Variants in CADPS2 observed in about 807,000 individuals in gnomAD.
CADPS2 encodes calcium dependent secretion activator 2.
A neutral mutation model predicts 172.5 loss-of-function variants in CADPS2; 93 were observed. The ratio of observed to expected loss-of-function variants is 0.54; its 90% CI spans 0.46 to 0.64. The LOEUF is 0.64. CADPS2 is among the 30% of genes least tolerant of loss of function. The pLI, the probability that CADPS2 is intolerant of heterozygous loss-of-function variation, is 0.00. For synonymous variants in CADPS2, 546 were observed against 555.2 expected (o/e 0.98, Z 0.23); for missense variants, 1,420 against 1,565.9 (o/e 0.91, Z 1.57).
rs1316686787 is a variant in CADPS2 at position 122,490,089 on chromosome 7, G to A, written c.1844C>T (p.Ala615Val). 5 of 1,613,060 alleles carry A rather than the reference G, an allele frequency of 3.1e-6. No homozygotes were observed. Among genetic ancestry groups the A allele is most frequent in the Admixed American group, 1.7e-5 (1 of 59,982 alleles). Reference sequence around the variant, plus strand: ...TTTTTAACAAAACTTACAAAGCTGAGCATCTGCATGGAGAGTTCCTCCTTT... The same window carrying A: ...TTTTTAACAAAACTTACAAAGCTGAACATCTGCATGGAGAGTTCCTCCTTT... Reference protein sequence around the residue: ...NPKGGTLHADAQLSGKDADRF... With the variant: ...NPKGGTLHADVQLSGKDADRF... Residue 615 changes from alanine to valine, a missense_variant, in exon 11 of 30, where the codon GCT (alanine) becomes GTT (valine). Ala to Val is a moderately conservative substitution (Grantham distance 64). Transcript: ENST00000449022.
Position 122,886,277 on chromosome 7 carries a change from C to T in CADPS2, c.61G>A (p.Asp21Asn), listed in dbSNP as rs1397831908. Residue 21 changes from aspartate to asparagine, a missense_variant, in exon 1 of 30, where the codon GAT (aspartate) becomes AAT (asparagine). Physicochemically the swap from Asp to Asn is conservative, Grantham distance 23 (BLOSUM62 1). Transcript: ENST00000449022. ...SDEGLEEESR[D>N]VLVAAGSSQR... The stretch of plus-strand genomic sequence containing the variant: ...GAGCTGCCGGCTGCCACCAGCACAT[C>T]GCGGCTTTCCTCTTCCAGCCCCTCG... The T allele has an allele frequency of 3.3e-6, 5 of 1,505,190 alleles. No homozygotes were observed. Among genetic ancestry groups the T allele is most frequent in the Admixed American group, 4.3e-5 (2 of 46,144 alleles). The allele number at this position is 1,505,190 out of a possible 1,614,324, so 93.2% of individuals were successfully genotyped here.
intron 3 of CADPS2, among the ~76,000 whole-genome samples, chr7:122,630,378 A>C (rs1264422459): frequency 8.4e-6 from 1 of 118,728 alleles, no homozygotes; most frequent in East Asian, 2.2e-4. Flanking sequence ...ATGAAGAGTC[A>C]AAAAAAAAAA....
intron 6 of CADPS2, among the ~76,000 whole-genome samples, chr7:122,590,655 C>G (rs757778131): frequency 6.6e-5 from 10 of 151,670 alleles, no homozygotes; most frequent in Admixed American, 4.6e-4. Flanking sequence ...CAGCCCAATA[C>G]TTTAAACTTC....
rs550686290 is a variant in CADPS2, at chr7:122,417,653, C to T, written c.2477-1489G>A. On this transcript the variant is annotated intron_variant, in intron 17 of 29. Transcript: ENST00000449022. ...ATGACAACCTACTTAATTTGGGGGCCGCTCTAGCTGTTCTAATTTTGTCAG... is the reference window on the plus strand; with the variant it reads ...ATGACAACCTACTTAATTTGGGGGCTGCTCTAGCTGTTCTAATTTTGTCAG... Among the ~76,000 whole-genome samples the T allele has an allele frequency of 8.1e-4, 123 of 152,248 alleles. 1 individual carries two copies. The highest frequency in any genetic ancestry group is 3.7e-3 in the South Asian group (18 of 4,822).
At chr7:122,532,785 C>T (rs190147973) in intron 8 of CADPS2, among the ~76,000 whole-genome samples, 158 of 152,074 alleles carry the variant, frequency 1.0e-3, no homozygotes, top group African/African-American at 3.3e-3. Context: ...TTATATTTCC[C>T]GAGAGTACGA....
At position 122,541,664 on chromosome 7, in the gene CADPS2, T is replaced by C. The variant is rs950269831; in HGVS notation, c.1475+12886A>G. On this transcript the variant is annotated intron_variant, in intron 8 of 29. Coordinates refer to ENST00000449022, the MANE Select transcript of CADPS2 (RefSeq NM_017954.11). ...TCATATATATTCATATCTTTATATA[T>C]TCATATATGTTTATATATTTATTCA... Among the ~76,000 whole-genome samples the C allele has an allele frequency of 3.8e-3, 561 of 146,088 alleles. 14 individuals are homozygous for C. Among genetic ancestry groups the C allele is most frequent in the Admixed American group, 2.0e-3 (29 of 14,546 alleles).
chr7:122,556,505 G>T (rs2058264), intron 7 of CADPS2, among the ~76,000 whole-genome samples: 30,487 of 151,946 alleles, frequency 0.2, 3,259 homozygotes, highest in East Asian at 0.34. Context: ...ACCAAACTCT[G>T]AACTCTTATA....
At chr7:122,548,850 G>A (rs2131836641) in intron 8 of CADPS2, among the ~76,000 whole-genome samples, 1 of 151,940 alleles carries the variant, frequency 6.6e-6, no homozygotes, top group Non-Finnish European at 1.5e-5. Context: ...TTTCTCCCTT[G>A]GACATAGAGA....
chr7:122,320,476 C>T, intron 29 of CADPS2, 138 bp from the exon 30 acceptor site: 1 of 562,214 alleles, frequency 1.8e-6, no homozygotes, highest in Non-Finnish European at 2.9e-6. Context: ...CAATCATCTT[C>T]TTGGTGTATT....
chr7:122,702,639 A>C, intron 2 of CADPS2: 4 of 1,613,618 alleles, frequency 2.5e-6, no homozygotes, highest in Non-Finnish European at 3.4e-6. Context: ...TGAGCTGTCC[A>C]AATGGCTTTT....
Position 122,343,383 on chromosome 7 carries a change from T to C in CADPS2, c.3612+2191A>G, listed in dbSNP as rs542375570. Among the ~76,000 whole-genome samples the C allele has an allele frequency of 3.9e-5, 6 of 152,300 alleles. No homozygotes were observed. In the East Asian group the frequency reaches 1.2e-3, roughly 29 times the overall value. On this transcript the variant is annotated intron_variant, in intron 28 of 29. Coordinates refer to ENST00000449022, the MANE Select transcript of CADPS2 (RefSeq NM_017954.11). ...TGCTTAGGCATTGAATGAAAGTATA[T>C]ATAACCAAGGCAATTAAACTAGTGT... is the stretch of plus-strand genomic sequence containing the variant.
chr7:122,815,830 A>C (rs559257329), intron 1 of CADPS2, among the ~76,000 whole-genome samples: 11 of 152,290 alleles, frequency 7.2e-5, no homozygotes, highest in African/African-American at 9.6e-5. Context: ...AATTAGCAGA[A>C]AGAAAAGACA....
At position 122,320,135 on chromosome 7, in the gene CADPS2, TCTTC is replaced by T; in HGVS notation, c.*26_*29del. The T allele has an allele frequency of 6.6e-7, 1 of 1,526,334 alleles. No individual in the cohort carries two copies. Among genetic ancestry groups the T allele is most frequent in the Non-Finnish European group, 8.8e-7 (1 of 1,134,344 alleles). 94.5% of individuals were successfully genotyped at this position (1,526,334 alleles called of 1,614,324 possible). A position where few individuals can be genotyped will look rare whatever the true frequency, so the allele number is the denominator to read the frequency against. ...AAATAAAAAACAATGTCGATCAAGG[TCTTC>T]CTTCCTTCTGCAAAGCTGTGTGATA... On this transcript the variant is annotated 3_prime_UTR_variant, in exon 30 of 30. Transcript: ENST00000449022.
chr7:122,729,380 A>G lies in CADPS2; in HGVS notation c.453+7575T>C, dbSNP rs534755977. On this transcript the variant is annotated intron_variant, in intron 2 of 29. Transcript: ENST00000449022. ...TTGATTTAATTTCCTTTGGATAAAT[A>G]CCAAGTAATGAGATTGCTGAATCTT... Among the ~76,000 whole-genome samples the G allele has an allele frequency of 6.5e-4, 99 of 151,948 alleles. 2 individuals are homozygous for G. The South Asian group carries it at 0.019, about 29-fold the overall frequency.
At chr7:122,814,681 AAGC>A (rs1380793919) in intron 1 of CADPS2, among the ~76,000 whole-genome samples, 1 of 152,148 alleles carries the variant, frequency 6.6e-6, no homozygotes, top group African/African-American at 2.4e-5. Flanking sequence ...CTGATCCATA[AAGC>A]ATAAAATATT....
At chr7:122,374,593 C>A (rs1010186066) in intron 25 of CADPS2, among the ~76,000 whole-genome samples, 1 of 151,946 alleles carries the variant, frequency 6.6e-6, no homozygotes, top group Non-Finnish European at 1.5e-5. Flanking sequence ...AGTAAAGTTG[C>A]AGAAAAAAAA....
chr7:122,486,386 G>A (rs1479787282), intron 11 of CADPS2, among the ~76,000 whole-genome samples: 1 of 152,106 alleles, frequency 6.6e-6, no homozygotes, highest in Non-Finnish European at 1.5e-5. Flanking sequence ...AACCCTCAGG[G>A]ATAACTTTAA....
At chr7:122,837,678 C>G (rs370170873) in intron 1 of CADPS2, among the ~76,000 whole-genome samples, 4 of 152,078 alleles carry the variant, frequency 2.6e-5, no homozygotes, top group East Asian at 1.9e-4. Flanking sequence ...AGAAAATCTA[C>G]AAGAAATGGA....
intron 3 of CADPS2, among the ~76,000 whole-genome samples, chr7:122,652,710 C>T (rs149037522): frequency 2.8e-4 from 43 of 152,158 alleles, no homozygotes; most frequent in Non-Finnish European, 4.4e-4. Context: ...TCTATGAATG[C>T]GCACCACTGC....
Sources: allele counts gnomAD v4.1 joint callset (sites outside exome capture counted in the v4.1 genomes callset), GRCh38; gene constraint gnomAD v4.1.1; transcripts MANE v1.5; gene names NCBI Gene and HGNC (gene_info 2026-07-23, HGNC 2026-07-21).